The following GRTP1 variants were observed in gnomAD, a reference collection of about 807,000 sequenced individuals.
The protein encoded by GRTP1 is growth hormone-regulated TBC protein 1.
In GRTP1, 56 loss-of-function variants were observed where a neutral mutation model predicts 38.1. The ratio of observed to expected loss-of-function variants is 1.47; its 90% CI spans 1.19 to 1.84. The LOEUF is 1.84. Ranked by LOEUF, GRTP1 falls within the 40% of genes most tolerant of loss-of-function variation. The probability of loss-of-function intolerance (pLI) is 0.00; values close to 1 mark genes in which losing one functional copy is unlikely to be tolerated. For synonymous variants in GRTP1, 217 were observed against 189.5 expected (o/e 1.14, Z -1.19); for missense variants, 506 against 453.9 (o/e 1.11, Z -1.04).
intron 5 of GRTP1, among the ~76,000 whole-genome samples, chr13:113,337,402 C>T (rs1003776369): frequency 2.6e-5 from 4 of 152,210 alleles, no homozygotes; most frequent in African/African-American, 9.6e-5. Flanking sequence ...ATTAGATCAA[C>T]TGTCTTGAAT....
chr13:113,327,469 C>T (rs896447234), intron 5 of GRTP1, among the ~76,000 whole-genome samples: 9 of 152,214 alleles, frequency 5.9e-5, no homozygotes, highest in Non-Finnish European at 1.3e-4. Context: ...TGAGCCACTG[C>T]GCCCAGTCTG....
chr13:113,335,233 A>G (rs1216561652), intron 5 of GRTP1, among the ~76,000 whole-genome samples: 1 of 152,108 alleles, frequency 6.6e-6, no homozygotes, highest in African/African-American at 2.4e-5. Context: ...TGATATTTTG[A>G]TACAGGCATT....
chr13:113,332,991 C>T (rs2042898961), intron 5 of GRTP1, among the ~76,000 whole-genome samples: 1 of 152,196 alleles, frequency 6.6e-6, no homozygotes, highest in African/African-American at 2.4e-5. Context: ...GACCAGACGC[C>T]AATTTATTAT....
At position 113,343,941 on chromosome 13, in the gene GRTP1, T is replaced by A. The variant is rs1045742476; in HGVS notation, c.562+922A>T. Among the ~76,000 whole-genome samples, 5 of 152,224 alleles carry A rather than the reference T, an allele frequency of 3.3e-5. No individual in the cohort carries two copies. The highest frequency in any genetic ancestry group is 7.3e-5 in the Non-Finnish European group (5 of 68,034). On this transcript the variant is annotated intron_variant, in intron 5 of 7. Coordinates refer to ENST00000375431, the MANE Select transcript of GRTP1 (RefSeq NM_024719.4). This position sits in a 1 kb window ranked among gnomAD's most constrained non-coding sequence, Gnocchi z 4.8. ...CTTCTCTTCCCAAGTGACTTGAGCC[T>A]GCAGCTCATCGTCTGCACTGGCCTT...
At chr13:113,330,453 C>T (rs1248017305) in intron 5 of GRTP1, among the ~76,000 whole-genome samples, 2 of 136,094 alleles carry the variant, frequency 1.5e-5, no homozygotes, top group Non-Finnish European at 1.5e-5. Flanking sequence ...CATGGGAGCC[C>T]GGGTGTGTGC....
rs777783678 is a variant in GRTP1, at chr13:113,324,477, G to A, written c.*11C>T. 3 of 1,601,936 alleles carry A rather than the reference G, an allele frequency of 1.9e-6. No homozygotes were observed. Among genetic ancestry groups the A allele is most frequent in the Non-Finnish European group, 2.6e-6 (3 of 1,174,702 alleles). ...CAGTGTAGAGACGAGCAACGCAGGG[G>A]ACAGGCACGCTCACCCCTGTGCCAG... is the stretch of plus-strand genomic sequence containing the variant. On this transcript the variant is annotated 3_prime_UTR_variant, in exon 8 of 8. Transcript: ENST00000375431.
intron 5 of GRTP1, among the ~76,000 whole-genome samples, chr13:113,330,287 GGAAACTCAGGTGCGTGCAT>G (rs1462057868): frequency 7.3e-5 from 10 of 136,394 alleles, no homozygotes; most frequent in Non-Finnish European, 4.7e-5. Context: ...GTGTGTGCGT[GGAAACTCAGGTGCGTGCAT>G]GGAGCCCAGG....
chr13:113,332,343 CCA>C (rs869237454), intron 5 of GRTP1, among the ~76,000 whole-genome samples: 205 of 98,168 alleles, frequency 2.1e-3, no homozygotes, highest in African/African-American at 7.9e-3. Flanking sequence ...CACACGCACG[CCA>C]CACACAGGTA....
rs1050894429 is a variant in GRTP1, at chr13:113,346,199, C to T, written c.466-1240G>A. Reference sequence around the variant, plus strand: ...CCGGGAGGACCTCTGTGGCTGAGAGCAGACCCGGGAGGACCTCTGTGGCTG... The same window carrying T: ...CCGGGAGGACCTCTGTGGCTGAGAGTAGACCCGGGAGGACCTCTGTGGCTG... On this transcript the variant is annotated intron_variant, in intron 4 of 7. Transcript: ENST00000375431. Among the ~76,000 whole-genome samples the T allele has an allele frequency of 5.3e-3, 436 of 83,046 alleles. 8 individuals carry two copies. Among genetic ancestry groups the T allele is most frequent in the African/African-American group, 0.013 (268 of 21,056 alleles). 54.5% of individuals were successfully genotyped at this position (83,046 alleles called of 152,430 possible). A position where few individuals can be genotyped will look rare whatever the true frequency, so the allele number is the denominator to read the frequency against.
chr13:113,345,125 C>T (rs1159564820), intron 4 of GRTP1, 166 bp from the exon 5 acceptor site: 1 of 278,210 alleles, frequency 3.6e-6, no homozygotes, highest in African/African-American at 2.3e-5. Context: ...TCACTAAATA[C>T]CTACCGTCTA....
In GRTP1 at chr13:113,324,693, C is replaced by T. The variant is rs113862326; in HGVS notation, c.922-116G>A. 7.2e-4 allele frequency: 1,057 copies of T among 1,475,542 alleles called. 5 individuals carry two copies. In the African/African-American group the frequency reaches 0.013, roughly 18 times the overall value. 91.4% of individuals were successfully genotyped at this position (1,475,542 alleles called of 1,614,324 possible). On this transcript the variant is annotated intron_variant, in intron 7 of 7. Transcript: ENST00000375431. ...TGTGAGGTGAGGGAGGAGCAGTCCACATCCAAGGGCTTCTGGGGTGACCCA... is the reference window on the plus strand; with the variant it reads ...TGTGAGGTGAGGGAGGAGCAGTCCATATCCAAGGGCTTCTGGGGTGACCCA...
chr13:113,334,717 G>A (rs548311561), intron 5 of GRTP1, among the ~76,000 whole-genome samples: 169 of 152,320 alleles, frequency 1.1e-3, no homozygotes, highest in Non-Finnish European at 1.8e-3. Flanking sequence ...AGAGCCGTGA[G>A]CAGCAACAGT....
In GRTP1 at chr13:113,363,871, G is replaced by C. The variant is rs750617701; in HGVS notation, c.72C>G (p.Asp24Glu). 2.5e-6 allele frequency: 4 copies of C among 1,611,740 alleles called. No homozygotes were observed. The highest frequency in any genetic ancestry group is 3.4e-6 in the Non-Finnish European group (4 of 1,179,592). The change falls in exon 2 of 8, where the codon GAC becomes GAG. Residue 24 changes from aspartate (D) to glutamate (E), a missense_variant. By Grantham distance (45) the Asp-to-Glu change is conservative. Transcript: ENST00000375431. ...PYGFERPEDF[D>E]DAAYEKFFSS... ...AGAAAAACTTCTCGTAGGCGGCGTC[G>C]TCGAAGTCCTCAGGCCGCTCGAATC...
Position 113,349,183 on chromosome 13 carries a change from TTTTG to T in GRTP1, c.465+1662_465+1665del, listed in dbSNP as rs2043219058. ...GGCCACCCAGGTGGGTGGTGTTTTT[TTTTG>T]TTTGTTTCTCGGTTTTTTTCAGACA... is the stretch of plus-strand genomic sequence containing the variant. On this transcript the variant is annotated intron_variant, in intron 4 of 7. Coordinates refer to ENST00000375431, the MANE Select transcript of GRTP1 (RefSeq NM_024719.4). This position sits in a 1 kb window ranked among gnomAD's most constrained non-coding sequence, Gnocchi z 5.0. Among the ~76,000 whole-genome samples, 1 of 151,100 alleles carries T rather than the reference TTTTG, an allele frequency of 6.6e-6. No individual in the cohort carries two copies. The highest frequency in any genetic ancestry group is 2.1e-4 in the South Asian group (1 of 4,744).
At chr13:113,356,440 G>A (rs1490930890) in intron 2 of GRTP1, among the ~76,000 whole-genome samples, 2 of 151,928 alleles carry the variant, frequency 1.3e-5, no homozygotes, top group African/African-American at 4.8e-5. Flanking sequence ...GCTAATTTTT[G>A]TATTCTTAGT....
At chr13:113,352,272 T>A (rs1248113529) in intron 3 of GRTP1, among the ~76,000 whole-genome samples, 11 of 99,152 alleles carry the variant, frequency 1.1e-4, no homozygotes, top group East Asian at 7.4e-4. Flanking sequence ...TTTTATATTT[T>A]TATATATATT....
chr13:113,325,600 C>G (rs774840495), intron 7 of GRTP1, 61 bp downstream of exon 7: 2 of 1,612,060 alleles, frequency 1.2e-6, no homozygotes, highest in East Asian at 2.2e-5. Context: ...GAGCAGCCCC[C>G]GGGCTGCAGG....
At chr13:113,345,786 A>G (rs1471093441) in intron 4 of GRTP1, among the ~76,000 whole-genome samples, 1 of 152,220 alleles carries the variant, frequency 6.6e-6, no homozygotes, top group East Asian at 1.9e-4. Flanking sequence ...ACGCAGCCTT[A>G]CACGTCCCTT....
chr13:113,360,740 G>A (rs1231828449), intron 2 of GRTP1, among the ~76,000 whole-genome samples: 2 of 152,178 alleles, frequency 1.3e-5, no homozygotes, highest in Non-Finnish European at 2.9e-5. Flanking sequence ...GCTCATATAG[G>A]ATCAAAGAGA....
Sources: gnomAD v4.1 joint callset for allele counts (sites outside exome capture counted in the v4.1 genomes callset) on GRCh38, gnomAD v4.1.1 for gene constraint, Gnocchi (gnomAD v3.1) non-coding constraint, MANE v1.5 for transcripts, NCBI Gene and HGNC (gene_info 2026-07-23, HGNC 2026-07-21) for gene names.